The following GLB1L variants were observed in gnomAD, a reference collection of about 807,000 sequenced individuals.
The protein encoded by GLB1L is galactosidase beta 1 like, also known as beta-galactosidase-1-like protein.
GLB1L carries 58 observed loss-of-function variants against 75.7 expected under a neutral mutation model. The observed-to-expected ratio is 0.77, with a 90% CI of 0.62 to 0.95. The LOEUF is 0.95. GLB1L is among the 40% of genes least tolerant of loss of function. GLB1L has a pLI of 0.00. For synonymous variants in GLB1L, 296 were observed against 303.0 expected, an observed-to-expected ratio of 0.98 and a Z score of 0.24; for missense variants, 797 against 805.5, an observed-to-expected ratio of 0.99 and a Z score of 0.13.
In GLB1L at chr2:219,243,197, C is replaced by A. The variant is rs747707530; in HGVS notation, c.190G>T (p.Ala64Ser). ...HYFRVPRVLW[A>S]DRLLKMRWSG... is the part of the protein sequence containing the mutation. ...CATCGCATCTTCAAAAGCCGGTCGG[C>A]CCAAAGCACCCGCGGTACCCGAAAG... Residue 64 changes from alanine to serine, a missense_variant, in exon 3 of 17, where the codon GCC (alanine) becomes TCC (serine). Transcript: ENST00000295759. The A allele has an allele frequency of 2.4e-5, 39 of 1,613,880 alleles. No individual in the cohort carries two copies. In the South Asian group the frequency reaches 3.7e-4, roughly 15 times the overall value.
intron 11 of GLB1L, 144 bp from the exon 12 acceptor site, chr2:219,238,923 T>A (rs1951319589): frequency 7.1e-6 from 6 of 845,656 alleles, no homozygotes; most frequent in Admixed American, 2.5e-5. Context: ...CACCTGTGTG[T>A]CTTCACACAT....
At chr2:219,243,062 C>A in intron 3 of GLB1L, 86 bp downstream of exon 3, 1 of 1,547,052 alleles carries the variant, frequency 6.5e-7, no homozygotes. Flanking sequence ...GGAGTCCTGG[C>A]AGTCTTCCTG....
intron 1 of GLB1L, 149 bp from the exon 2 acceptor site, chr2:219,243,792 A>G (rs10194492): frequency 0.99 from 521,371 of 526,362 alleles, 258,398 homozygotes; most frequent in East Asian, 1. Flanking sequence ...CTTCATCGAC[A>G]TCACCTGGGA....
intron 1 of GLB1L, chr2:219,243,876 G>T: frequency 3.1e-6 from 1 of 325,494 alleles, no homozygotes; most frequent in Non-Finnish European, 6.0e-6. Flanking sequence ...GGAGGCCGAG[G>T]CGGGTGGATC....
chr2:219,240,300 A>C lies in GLB1L; in HGVS notation c.452-15T>G. ...GGCAAGGAAGTCTAAAGGAAGGAGCAGAGCTTCTGTGTTAGGTGCTACCAT... is the reference window on the plus strand; with the variant it reads ...GGCAAGGAAGTCTAAAGGAAGGAGCCGAGCTTCTGTGTTAGGTGCTACCAT... On this transcript the variant is annotated splice_polypyrimidine_tract_variant and intron_variant, in intron 5 of 16. Coordinates refer to ENST00000295759, the MANE Select transcript of GLB1L (RefSeq NM_001286423.2). The C allele has an allele frequency of 1.9e-6, 3 of 1,603,052 alleles. No individual in the cohort carries two copies. The highest frequency in any genetic ancestry group is 2.6e-6 in the Non-Finnish European group (3 of 1,169,884).
At chr2:219,240,385 T>A (rs1951356096) in intron 5 of GLB1L, 100 bp from the exon 6 acceptor site, 2 of 949,116 alleles carry the variant, frequency 2.1e-6, no homozygotes, top group Non-Finnish European at 3.4e-6. Flanking sequence ...TTCCCAACCC[T>A]AAGCACCTTG....
At position 219,243,559 on chromosome 2, in the gene GLB1L, C is replaced by T; in HGVS notation, c.15G>A (p.Lys5=). The T allele has an allele frequency of 6.2e-7, 1 of 1,614,212 alleles. No individual in the cohort carries two copies. Among genetic ancestry groups the T allele is most frequent in the South Asian group, 1.1e-5 (1 of 91,082 alleles). The stretch of plus-strand genomic sequence containing the variant: ...GCAGCAGGGAACGAAGGCAGGACAG[C>T]TTCTTGGGAGCCATGGCGTTTACAG... The part of the protein sequence containing the change: MAPK[K]LSCLRSLLLP... Residue 5 remains lysine, a synonymous_variant, in exon 2 of 17, where the codon AAG becomes AAA. Transcript: ENST00000295759.
At chr2:219,240,978 G>A (rs1951370882) in intron 5 of GLB1L, among the ~76,000 whole-genome samples, 1 of 152,126 alleles carries the variant, frequency 6.6e-6, no homozygotes. Flanking sequence ...CAATTACTCG[G>A]GAGGCTGAGG....
chr2:219,238,825 A>T, intron 11 of GLB1L, 46 bp from the exon 12 acceptor site: 1 of 1,528,870 alleles, frequency 6.5e-7, no homozygotes, highest in Non-Finnish European at 9.0e-7. Flanking sequence ...CACAGAAAAC[A>T]ATACCTATTC....
In GLB1L at chr2:219,239,950, C is replaced by T; in HGVS notation, c.691G>A (p.Gly231Arg). The change falls in exon 7 of 17, where the codon GGA becomes AGA. Residue 231 changes from glycine (G) to arginine (R), a missense_variant. Physicochemically the swap from Gly to Arg is moderately radical, Grantham distance 125. Transcript: ENST00000295759. Reference sequence around the variant, plus strand: ...CCAAAATCTACAGTGGTATAGAGTCCCCGGAGGGAGCCACACTTGAGTCCT... The same window carrying T: ...CCAAAATCTACAGTGGTATAGAGTCTCCGGAGGGAGCCACACTTGAGTCCT... ...PEGLKCGSLR[G>R]LYTTVDFGPA... is the part of the protein sequence containing the mutation. The T allele has an allele frequency of 1.2e-6, 2 of 1,614,112 alleles. No individual in the cohort carries two copies. The highest frequency in any genetic ancestry group is 1.7e-6 in the Non-Finnish European group (2 of 1,180,044).
At chr2:219,242,471 TTTAC>T (rs1229877841) in intron 5 of GLB1L, 39 bp downstream of exon 5, 9 of 1,458,386 alleles carry the variant, frequency 6.2e-6, no homozygotes, top group Admixed American at 3.3e-5. Flanking sequence ...AATAGCCCAT[TTTAC>T]TTACTTGCTT....
Position 219,237,678 on chromosome 2 carries a change from A to G in GLB1L, c.1523T>C (p.Met508Thr). The G allele has an allele frequency of 6.2e-7, 1 of 1,614,262 alleles. No individual in the cohort carries two copies. Among genetic ancestry groups the G allele is most frequent in the Admixed American group, 1.7e-5 (1 of 60,022 alleles). The stretch of plus-strand genomic sequence containing the variant: ...GTTATCAATTTTCAGAGGGAACATC[A>G]TCCACTGGGTAAGGATTGTTTGCCC... The part of the protein sequence containing the change: ...ILGQTILTQW[M>T]MFPLKIDNLV... The change falls in exon 16 of 17, where the codon ATG (methionine) becomes ACG (threonine). Residue 508 changes from methionine to threonine, a missense_variant. Physicochemically the swap from Met to Thr is moderately conservative, Grantham distance 81. Transcript: ENST00000295759.
At chr2:219,238,000 C>G in intron 14 of GLB1L, 43 bp from the exon 15 acceptor site, 1 of 1,603,164 alleles carries the variant, frequency 6.2e-7, no homozygotes, top group Non-Finnish European at 8.5e-7. Flanking sequence ...CAGCATCTAG[C>G]TCTTAGCCAC....
chr2:219,236,847 C>G lies in GLB1L; in HGVS notation c.*225G>C. On this transcript the variant is annotated 3_prime_UTR_variant, in exon 17 of 17. Coordinates refer to ENST00000295759, the MANE Select transcript of GLB1L (RefSeq NM_001286423.2). ...TGGTACAACCTCCACTCACTGCAAC[C>G]TCTGCCTCCTGGATTCAAGCAATTC... is the stretch of plus-strand genomic sequence containing the variant. 2.3e-6 allele frequency: 1 copy of G among 436,986 alleles called. No homozygotes were observed. The highest frequency in any genetic ancestry group is 3.2e-5 in the South Asian group (1 of 31,688). 27.1% of individuals were successfully genotyped at this position (436,986 alleles called of 1,614,324 possible).
chr2:219,240,303 GCTT>G lies in GLB1L; in HGVS notation c.452-21_452-19del, dbSNP rs1221261077. On this transcript the variant is annotated intron_variant, in intron 5 of 16. Coordinates refer to ENST00000295759, the MANE Select transcript of GLB1L (RefSeq NM_001286423.2). ...AAGGAAGTCTAAAGGAAGGAGCAGAGCTTCTGTGTTAGGTGCTACCATCACACT... is the reference window on the plus strand; with the variant it reads ...AAGGAAGTCTAAAGGAAGGAGCAGAGCTGTGTTAGGTGCTACCATCACACT... 2 of 1,596,036 alleles carry G rather than the reference GCTT, an allele frequency of 1.3e-6. No homozygotes were observed. Among genetic ancestry groups the G allele is most frequent in the African/African-American group, 2.7e-5 (2 of 74,562 alleles).
intron 6 of GLB1L, 42 bp from the exon 7 acceptor site, chr2:219,240,136 A>C: frequency 6.2e-7 from 1 of 1,613,646 alleles, no homozygotes; most frequent in Non-Finnish European, 8.5e-7. Flanking sequence ...TATGGGATGG[A>C]GGTCAAGGAC....
In GLB1L at chr2:219,243,551, C is replaced by T. The variant is rs779225654; in HGVS notation, c.23G>A (p.Cys8Tyr). 25 of 1,614,224 alleles carry T rather than the reference C, an allele frequency of 1.5e-5. No individual in the cohort carries two copies. The highest frequency in any genetic ancestry group is 2.2e-5 in the East Asian group (1 of 44,886). Reference sequence around the variant, plus strand: ...GAGCGGCAGCAGCAGGGAACGAAGGCAGGACAGCTTCTTGGGAGCCATGGC... The same window carrying T: ...GAGCGGCAGCAGCAGGGAACGAAGGTAGGACAGCTTCTTGGGAGCCATGGC... The part of the protein sequence containing the change: MAPKKLS[C>Y]LRSLLLPLSL... The change falls in exon 2 of 17, where the codon TGC becomes TAC. Residue 8 changes from cysteine to tyrosine, a missense_variant. Physicochemically the swap from Cys to Tyr is radical, Grantham distance 194. Transcript: ENST00000295759.
In GLB1L at chr2:219,238,796, T is replaced by C. The variant is rs773394642; in HGVS notation, c.1063-17A>G. ...TTCCTGGAACTGAGCCCAGATTCTCTCAGGATCCATAGGAAAACCACAGAA... is the reference window on the plus strand; with the variant it reads ...TTCCTGGAACTGAGCCCAGATTCTCCCAGGATCCATAGGAAAACCACAGAA... On this transcript the variant is annotated splice_polypyrimidine_tract_variant and intron_variant, in intron 11 of 16. Transcript: ENST00000295759. 46 of 1,603,998 alleles carry C rather than the reference T, an allele frequency of 2.9e-5. No individual in the cohort carries two copies. Among genetic ancestry groups the C allele is most frequent in the Middle Eastern group, 3.5e-4 (2 of 5,666 alleles).
chr2:219,241,451 T>TATATACATATATATATATAC (rs1157925573), intron 5 of GLB1L, among the ~76,000 whole-genome samples: 1 of 138,274 alleles, frequency 7.2e-6, no homozygotes, highest in Non-Finnish European at 1.6e-5. Context: ...TGTATATATA[T>TATATACATATATATATATAC]ATATATATAT....
Sources: allele counts gnomAD v4.1 joint callset (sites outside exome capture counted in the v4.1 genomes callset), GRCh38; gene constraint gnomAD v4.1.1; transcripts MANE v1.5; gene names NCBI Gene and HGNC (gene_info 2026-07-23, HGNC 2026-07-21).